Variants in CCDC192 observed in about 807,000 individuals in gnomAD.
The protein encoded by CCDC192 is coiled-coil domain containing 192, also known as coiled-coil domain-containing protein 192.
chr5:127,825,619 C>G (rs1218756443), intron 5 of CCDC192, among the ~76,000 whole-genome samples: 1 of 152,194 alleles, frequency 6.6e-6, no homozygotes, highest in Non-Finnish European at 1.5e-5. Flanking sequence ...TTCCTCCTGA[C>G]AGGTCTCTAA....
Position 127,831,554 on chromosome 5 carries a change from T to C in CCDC192, c.411+33392T>C, listed in dbSNP as rs1228842743. Among the ~76,000 whole-genome samples, 111 of 152,128 alleles carry C rather than the reference T, an allele frequency of 7.3e-4. 1 individual carries two copies. The highest frequency in any genetic ancestry group is 7.2e-3 in the Admixed American group (110 of 15,252). On this transcript the variant is annotated intron_variant, in intron 5 of 6. Transcript: ENST00000514853. ...TTTTTAAGTAGTTCTTATTAGAAAATAATCACATAATGCCGATAAGGAAAC... is the reference window on the plus strand; with the variant it reads ...TTTTTAAGTAGTTCTTATTAGAAAACAATCACATAATGCCGATAAGGAAAC...
At chr5:127,804,274 A>C (rs10519960) in intron 5 of CCDC192, among the ~76,000 whole-genome samples, 1 of 152,012 alleles carries the variant, frequency 6.6e-6, no homozygotes, top group Non-Finnish European at 1.5e-5. Context: ...TTTGGCAATA[A>C]TACCCAGATA....
intron 6 of CCDC192, among the ~76,000 whole-genome samples, chr5:127,881,407 C>T (rs1033905953): frequency 1.3e-5 from 2 of 152,202 alleles, no homozygotes; most frequent in African/African-American, 2.4e-5. Context: ...TAAATTAGAA[C>T]TCCTTTTTAC....
intron 5 of CCDC192, among the ~76,000 whole-genome samples, chr5:127,865,884 A>G (rs1225375058): frequency 1.3e-5 from 2 of 152,028 alleles, no homozygotes; most frequent in African/African-American, 2.4e-5. Context: ...CTTTGTGCCT[A>G]TAGTACCCTG....
At chr5:127,887,516 A>G (rs1752604129) in intron 6 of CCDC192, among the ~76,000 whole-genome samples, 1 of 152,048 alleles carries the variant, frequency 6.6e-6, no homozygotes, top group African/African-American at 2.4e-5. Context: ...GCTGACCAGA[A>G]CAATTTTGAT....
At chr5:127,902,907 A>G (rs904328812) in intron 6 of CCDC192, among the ~76,000 whole-genome samples, 2 of 152,184 alleles carry the variant, frequency 1.3e-5, no homozygotes, top group Non-Finnish European at 2.9e-5. Context: ...TATTGTGTCT[A>G]TCAGTCAACA....
chr5:127,888,558 A>T (rs1345198124), intron 6 of CCDC192, among the ~76,000 whole-genome samples: 1 of 152,146 alleles, frequency 6.6e-6, no homozygotes, highest in Non-Finnish European at 1.5e-5. Flanking sequence ...TTCATATAGG[A>T]TTGCAGGAGA....
intron 6 of CCDC192, among the ~76,000 whole-genome samples, chr5:127,898,679 C>T (rs371672553): frequency 2.6e-5 from 4 of 152,160 alleles, no homozygotes; most frequent in African/African-American, 9.6e-5. Flanking sequence ...GAGATGTGGA[C>T]AAAGCAGCCT....
At chr5:127,724,010 A>G (rs1215746537) in intron 2 of CCDC192, among the ~76,000 whole-genome samples, 1 of 152,160 alleles carries the variant, frequency 6.6e-6, no homozygotes, top group African/African-American at 2.4e-5. Flanking sequence ...GGGTTTTTCT[A>G]AGTTTGATTA....
intron 6 of CCDC192, among the ~76,000 whole-genome samples, chr5:127,891,563 A>G (rs574423669): frequency 1.3e-5 from 2 of 152,282 alleles, no homozygotes; most frequent in South Asian, 4.2e-4. Flanking sequence ...TCATCTTTCC[A>G]GTGATGTACT....
intron 3 of CCDC192, among the ~76,000 whole-genome samples, chr5:127,766,768 C>T (rs1033416235): frequency 6.6e-6 from 1 of 152,160 alleles, no homozygotes; most frequent in African/African-American, 2.4e-5. Flanking sequence ...ACCCCCACTT[C>T]CCATCTCTAT....
At chr5:127,907,788 T>C (rs538973224) in intron 6 of CCDC192, among the ~76,000 whole-genome samples, 2 of 152,232 alleles carry the variant, frequency 1.3e-5, no homozygotes, top group Non-Finnish European at 1.5e-5. Flanking sequence ...TTTGGTATGC[T>C]GGTGACTCTT....
intron 3 of CCDC192, among the ~76,000 whole-genome samples, chr5:127,795,489 C>A (rs971864242): frequency 3.9e-5 from 6 of 152,036 alleles, no homozygotes; most frequent in African/African-American, 1.5e-4. Context: ...AAGTAGTATT[C>A]TTTTCATCCC....
chr5:127,739,009 C>A (rs1218305566), intron 2 of CCDC192, among the ~76,000 whole-genome samples: 1 of 152,052 alleles, frequency 6.6e-6, no homozygotes, highest in Non-Finnish European at 1.5e-5. Flanking sequence ...AGGCGCTCTG[C>A]TTTTTAGAGT....
At chr5:127,735,840 G>T (rs1253108557) in intron 2 of CCDC192, among the ~76,000 whole-genome samples, 7 of 134,674 alleles carry the variant, frequency 5.2e-5, no homozygotes, top group Non-Finnish European at 1.1e-4. Context: ...TGAGACAATG[G>T]GGTTTTCTAG....
chr5:127,865,830 A>G (rs573884420), intron 5 of CCDC192, among the ~76,000 whole-genome samples: 64 of 152,116 alleles, frequency 4.2e-4, no homozygotes, highest in Non-Finnish European at 8.2e-4. Context: ...TATCGTTGTC[A>G]AGATCACATT....
intron 5 of CCDC192, among the ~76,000 whole-genome samples, chr5:127,842,988 C>T (rs1750357777): frequency 6.7e-6 from 1 of 148,794 alleles, no homozygotes; most frequent in Non-Finnish European, 1.5e-5. Context: ...TGTACACTTT[C>T]TGCTTCATCA....
At chr5:127,829,828 A>G (rs919166406) in intron 5 of CCDC192, among the ~76,000 whole-genome samples, 3 of 152,180 alleles carry the variant, frequency 2.0e-5, no homozygotes, top group Non-Finnish European at 2.9e-5. Flanking sequence ...AGCCCCCACA[A>G]CTGTTACTAA....
At chr5:127,738,825 C>T (rs948536470) in intron 2 of CCDC192, among the ~76,000 whole-genome samples, 1 of 152,174 alleles carries the variant, frequency 6.6e-6, no homozygotes, top group Admixed American at 6.5e-5. Flanking sequence ...TCTAGTTACA[C>T]ATTCTTCTAA....
Sources: allele counts gnomAD v4.1 joint callset (sites outside exome capture counted in the v4.1 genomes callset), GRCh38; gene constraint gnomAD v4.1.1; transcripts MANE v1.5; gene names NCBI Gene and HGNC (gene_info 2026-07-23, HGNC 2026-07-21).